The following CNOT6 variants were observed in gnomAD, a reference collection of about 807,000 sequenced individuals.
CNOT6 encodes CCR4-NOT transcription complex subunit 6.
CNOT6 carries 12 observed loss-of-function variants against 61.2 expected under a neutral mutation model. The ratio of observed to expected loss-of-function variants is 0.20; its 90% CI spans 0.13 to 0.32. The LOEUF is 0.32. Among genes scored for constraint, CNOT6 ranks in the 10% least tolerant of loss-of-function variants. CNOT6 has a pLI of 1.00. For synonymous variants in CNOT6, 225 were observed against 240.6 expected (o/e 0.94, Z 0.60); for missense variants, 405 against 663.9 (o/e 0.61, Z 4.28).
At position 180,574,059 on chromosome 5, in the gene CNOT6, C is replaced by T. The variant is rs768249050; in HGVS notation, c.1533C>T (p.His511=). 6.2e-7 allele frequency: 1 copy of T among 1,614,056 alleles called. No homozygotes were observed. Among genetic ancestry groups the T allele is most frequent in the Non-Finnish European group, 8.5e-7 (1 of 1,179,948 alleles). ...NTLGILGPLD[H]HWLVENNISG... is the part of the protein sequence containing the mutation. ...TAGGCATCCTGGGCCCTCTGGACCA[C>T]CACTGGCTGGTTGAGAATAACATCA... The change falls in exon 12 of 12, where the codon CAC becomes CAT. Residue 511 remains histidine, a synonymous_variant. Coordinates refer to ENST00000261951, the MANE Select transcript of CNOT6 (RefSeq NM_001370472.1).
intron 10 of CNOT6, among the ~76,000 whole-genome samples, chr5:180,570,115 T>C (rs1469743230): frequency 6.6e-6 from 1 of 152,116 alleles, no homozygotes; most frequent in Non-Finnish European, 1.5e-5. Flanking sequence ...CCCAGCACTT[T>C]GGGGGGCCCA....
At chr5:180,569,018 CTG>C in intron 9 of CNOT6, 90 bp from the exon 10 acceptor site, 2 of 910,532 alleles carry the variant, frequency 2.2e-6, no homozygotes, top group South Asian at 1.7e-5. Flanking sequence ...TTCTGGGACT[CTG>C]AGAGATTATT....
At chr5:180,516,204 C>T (rs867130857) in intron 1 of CNOT6, among the ~76,000 whole-genome samples, 5 of 140,690 alleles carry the variant, frequency 3.6e-5, no homozygotes, top group Middle Eastern at 4.1e-3. Flanking sequence ...TTTTTTGAGA[C>T]GGAGACTTGC....
intron 1 of CNOT6, among the ~76,000 whole-genome samples, chr5:180,506,737 G>T (rs961226524): frequency 1.3e-5 from 2 of 152,058 alleles, no homozygotes; most frequent in Admixed American, 6.6e-5. Flanking sequence ...TGCCTTTTAG[G>T]TAATAGTTTT....
chr5:180,502,020 A>G (rs1052289427), intron 1 of CNOT6, among the ~76,000 whole-genome samples: 9 of 152,178 alleles, frequency 5.9e-5, no homozygotes, highest in Non-Finnish European at 1.0e-4. Context: ...AGAAGGTTAT[A>G]GACTACTATT....
chr5:180,548,216 C>A (rs1759410361), intron 2 of CNOT6, among the ~76,000 whole-genome samples: 1 of 152,164 alleles, frequency 6.6e-6, no homozygotes, highest in Non-Finnish European at 1.5e-5. Context: ...ACAATCAGAA[C>A]ATTTTCATCA....
intron 2 of CNOT6, among the ~76,000 whole-genome samples, chr5:180,546,278 C>A (rs1293445191): frequency 6.6e-6 from 1 of 152,096 alleles, no homozygotes; most frequent in South Asian, 2.1e-4. Context: ...ATCATTTATT[C>A]TTTGTTCTAT....
intron 1 of CNOT6, among the ~76,000 whole-genome samples, chr5:180,518,130 C>G (rs1239255130): frequency 6.6e-6 from 1 of 152,016 alleles, no homozygotes; most frequent in Non-Finnish European, 1.5e-5. Flanking sequence ...TTTTGAGGTT[C>G]TCATAGATTT....
chr5:180,503,709 G>T (rs539738498), intron 1 of CNOT6, among the ~76,000 whole-genome samples: 1 of 144,794 alleles, frequency 6.9e-6, no homozygotes, highest in African/African-American at 2.6e-5. Flanking sequence ...GGGTTCAAGC[G>T]ATTCCCTTGC....
At chr5:180,509,483 G>T (rs1382928931) in intron 1 of CNOT6, among the ~76,000 whole-genome samples, 1 of 151,770 alleles carries the variant, frequency 6.6e-6, no homozygotes, top group African/African-American at 2.4e-5. Context: ...TGCTCTTGTT[G>T]CCCAGGCTAG....
At chr5:180,573,137 C>T (rs887569888) in intron 11 of CNOT6, among the ~76,000 whole-genome samples, 1 of 152,128 alleles carries the variant, frequency 6.6e-6, no homozygotes, top group Non-Finnish European at 1.5e-5. Flanking sequence ...TTTTCTTTCT[C>T]TTTCTGTTGC....
At chr5:180,572,715 C>T (rs993309812) in intron 11 of CNOT6, among the ~76,000 whole-genome samples, 12 of 148,732 alleles carry the variant, frequency 8.1e-5, no homozygotes, top group Non-Finnish European at 1.0e-4. Flanking sequence ...ATACCCAGAT[C>T]TTTTTTTTTT....
chr5:180,510,134 C>CTTTTTTTTTTTTTTTTTTTTT (rs56899929), intron 1 of CNOT6, among the ~76,000 whole-genome samples: 1 of 37,368 alleles, frequency 2.7e-5, no homozygotes, highest in Non-Finnish European at 4.8e-5. Context: ...GTCTGTAAAC[C>CTTTTTTTTTTTTTTTTTTTTT]TTTTTTTTTT....
chr5:180,573,891 C>G (rs904774467), intron 11 of CNOT6, 97 bp from the exon 12 acceptor site: 1 of 820,518 alleles, frequency 1.2e-6, no homozygotes, highest in Non-Finnish European at 2.1e-6. Flanking sequence ...TTGTTCTGTT[C>G]TGTTCACCAA....
intron 7 of CNOT6, among the ~76,000 whole-genome samples, chr5:180,566,760 A>G (rs778291814): frequency 2.7e-5 from 4 of 148,276 alleles, no homozygotes; most frequent in East Asian, 2.0e-4. Context: ...CCTGGGTTCA[A>G]GTGATTCTCA....
At chr5:180,498,544 G>T (rs987660709) in intron 1 of CNOT6, among the ~76,000 whole-genome samples, 4 of 152,178 alleles carry the variant, frequency 2.6e-5, no homozygotes, top group African/African-American at 9.7e-5. Flanking sequence ...GGTAAGGCTA[G>T]TGATAAGGTG....
chr5:180,567,389 T>C, intron 8 of CNOT6, 147 bp downstream of exon 8: 2 of 722,242 alleles, frequency 2.8e-6, no homozygotes, highest in South Asian at 4.4e-5. Context: ...GGGGTTTTTG[T>C]TTGTTTTTAA....
In CNOT6 at chr5:180,561,885, TC is replaced by T. The variant is rs61384657; in HGVS notation, c.386-2602del. ...GGGAGGAAGGGAGCTCCATATCGCC[TC>T]CTTTCTTTCTCTTGCAGCAGAAGTC... On this transcript the variant is annotated intron_variant, in intron 4 of 11. Coordinates refer to ENST00000261951, the MANE Select transcript of CNOT6 (RefSeq NM_001370472.1). Among the ~76,000 whole-genome samples, 560 of 152,342 alleles carry T rather than the reference TC, an allele frequency of 3.7e-3. 3 individuals are homozygous for T. Among genetic ancestry groups the T allele is most frequent in the African/African-American group, 0.012 (504 of 41,580 alleles).
intron 3 of CNOT6, 84 bp from the exon 4 acceptor site, chr5:180,553,302 T>A (rs10516143): frequency 0.48 from 414,157 of 864,250 alleles, 103,743 homozygotes; most frequent in Non-Finnish European, 0.53. Context: ...CTTAGGTGCT[T>A]ATGTTCCTAG....
Sources: gnomAD v4.1 joint callset for allele counts (sites outside exome capture counted in the v4.1 genomes callset) on GRCh38, gnomAD v4.1.1 for gene constraint, MANE v1.5 for transcripts, NCBI Gene and HGNC (gene_info 2026-07-23, HGNC 2026-07-21) for gene names.